CPED1: variants seen among roughly 807,000 people sequenced by gnomAD.
CPED1 encodes the protein cadherin-like and PC-esterase domain-containing protein 1.
Under a neutral mutation model 128.2 loss-of-function variants are expected in CPED1, and 114 were observed. The ratio of observed to expected loss-of-function variants is 0.89; its 90% CI spans 0.76 to 1.04. The LOEUF is 1.04. CPED1 is among the 50% of genes least tolerant of loss of function. The pLI, the probability that CPED1 is intolerant of heterozygous loss-of-function variation, is 0.00. For missense variants in CPED1, 1,211 were observed against 1,207.1 expected, an observed-to-expected ratio of 1.00 and a Z score of -0.05; for synonymous variants, 462 against 426.7, an observed-to-expected ratio of 1.08 and a Z score of -1.02.
At position 121,057,260 on chromosome 7, in the gene CPED1, G is replaced by C. The variant is rs569937730; in HGVS notation, c.541-6978G>C. Among the ~76,000 whole-genome samples, 11 of 152,258 alleles carry C rather than the reference G, an allele frequency of 7.2e-5. No homozygotes were observed. The South Asian group carries it at 2.3e-3, about 32-fold the overall frequency. On this transcript the variant is annotated intron_variant, in intron 4 of 22. Transcript: ENST00000310396. ...CCCAAAGTGCTGGGATTACAGGTGTGAACCACCGTGCCCAGCCTCTAATTT... is the reference window on the plus strand; with the variant it reads ...CCCAAAGTGCTGGGATTACAGGTGTCAACCACCGTGCCCAGCCTCTAATTT...
chr7:121,259,127 A>G (rs1190392504), intron 18 of CPED1, among the ~76,000 whole-genome samples: 4 of 152,058 alleles, frequency 2.6e-5, no homozygotes, highest in Non-Finnish European at 4.4e-5. Flanking sequence ...CTACTGTTGT[A>G]CATTGATGAA....
At chr7:121,143,428 A>AT (rs1488128648) in intron 16 of CPED1, among the ~76,000 whole-genome samples, 26 of 151,938 alleles carry the variant, frequency 1.7e-4, no homozygotes, top group Non-Finnish European at 3.2e-4. Context: ...AGCTATTGAT[A>AT]TTTTTGTGGG....
intron 18 of CPED1, among the ~76,000 whole-genome samples, chr7:121,262,245 G>C (rs1792036432): frequency 6.6e-6 from 1 of 152,038 alleles, no homozygotes; most frequent in Admixed American, 6.6e-5. Context: ...TGCCATGCTT[G>C]TATAGCCTGC....
At chr7:121,113,488 T>C (rs1017984749) in intron 7 of CPED1, among the ~76,000 whole-genome samples, 2 of 152,220 alleles carry the variant, frequency 1.3e-5, no homozygotes, top group African/African-American at 4.8e-5. Context: ...GTAGGGTTTC[T>C]TTAAAAATGA....
At chr7:121,017,884 T>C (rs1435973792) in intron 3 of CPED1, among the ~76,000 whole-genome samples, 2 of 152,148 alleles carry the variant, frequency 1.3e-5, no homozygotes, top group Non-Finnish European at 2.9e-5. Context: ...AAGATAACTA[T>C]ATAGTGTCCC....
intron 16 of CPED1, among the ~76,000 whole-genome samples, chr7:121,162,486 GATA>G (rs1796433049): frequency 6.6e-6 from 1 of 152,176 alleles, no homozygotes. Flanking sequence ...TACCATAAAT[GATA>G]AACTTAATGT....
rs901952146 is a variant in CPED1, at chr7:121,220,872, T to C, written c.2056-15842T>C. On this transcript the variant is annotated intron_variant, in intron 16 of 22. Coordinates refer to ENST00000310396, the MANE Select transcript of CPED1 (RefSeq NM_024913.5). ...AAGTATATATACTAACACTTTATTTTACTTAAATAAGATCATGGTATACAT... is the reference window on the plus strand; with the variant it reads ...AAGTATATATACTAACACTTTATTTCACTTAAATAAGATCATGGTATACAT... 2.5e-4 allele frequency among the ~76,000 whole-genome samples: 38 copies of C among 152,178 alleles called. 1 individual carries two copies. The highest frequency in any genetic ancestry group is 8.7e-4 in the African/African-American group (36 of 41,568).
At chr7:121,194,760 G>A (rs1797231968) in intron 16 of CPED1, among the ~76,000 whole-genome samples, 1 of 151,946 alleles carries the variant, frequency 6.6e-6, no homozygotes, top group South Asian at 2.1e-4. Context: ...TCTCTCATTA[G>A]TTGTTTGTTT....
At chr7:121,201,100 A>G (rs1797385112) in intron 16 of CPED1, among the ~76,000 whole-genome samples, 1 of 152,138 alleles carries the variant, frequency 6.6e-6, no homozygotes, top group Non-Finnish European at 1.5e-5. Flanking sequence ...CGGATCTGAG[A>G]TACAAGGTAG....
At chr7:121,192,122 A>G (rs185898437) in intron 16 of CPED1, among the ~76,000 whole-genome samples, 2 of 152,052 alleles carry the variant, frequency 1.3e-5, no homozygotes, top group East Asian at 3.9e-4. Context: ...ACTATTAACT[A>G]CCATGTCCAC....
chr7:120,992,560 G>GC (rs1457985396), intron 2 of CPED1, among the ~76,000 whole-genome samples: 1 of 152,080 alleles, frequency 6.6e-6, no homozygotes, highest in Non-Finnish European at 1.5e-5. Context: ...TAAACTAACT[G>GC]CCCCTCCAGG....
At position 121,152,248 on chromosome 7, in the gene CPED1, C is replaced by G. The variant is rs546217117; in HGVS notation, c.2055+10107C>G. 2.2e-4 allele frequency among the ~76,000 whole-genome samples: 34 copies of G among 152,136 alleles called. 1 individual carries two copies. Among genetic ancestry groups the G allele is most frequent in the Middle Eastern group, 6.8e-3 (2 of 294 alleles). ...TTTACCTCCTCCACATCCCCCAGCT[C>G]CCCACCCCTCCACATGCTTGAAGAT... On this transcript the variant is annotated intron_variant, in intron 16 of 22. Coordinates refer to ENST00000310396, the MANE Select transcript of CPED1 (RefSeq NM_024913.5).
At chr7:121,201,397 A>C (rs772950287) in intron 16 of CPED1, among the ~76,000 whole-genome samples, 2 of 151,848 alleles carry the variant, frequency 1.3e-5, no homozygotes, top group Admixed American at 6.6e-5. Context: ...ACGCCACTGC[A>C]CTCCAGCCTG....
At chr7:121,266,610 T>C in intron 19 of CPED1, 97 bp from the exon 20 acceptor site, 2 of 1,189,840 alleles carry the variant, frequency 1.7e-6, no homozygotes, top group Admixed American at 3.5e-5. Context: ...AGTCTTATGA[T>C]CAAGATGCCA....
chr7:121,225,489 G>A, intron 16 of CPED1, among the ~76,000 whole-genome samples: 1 of 152,014 alleles, frequency 6.6e-6, no homozygotes, highest in Non-Finnish European at 1.5e-5. Flanking sequence ...TATCTTTGTG[G>A]TGATCTCTGT....
At chr7:121,098,322 T>C (rs1417912651) in intron 6 of CPED1, among the ~76,000 whole-genome samples, 1 of 152,178 alleles carries the variant, frequency 6.6e-6, no homozygotes, top group African/African-American at 2.4e-5. Context: ...TTAATTATCT[T>C]ACCCAAGACA....
intron 16 of CPED1, among the ~76,000 whole-genome samples, chr7:121,220,033 C>T (rs1277284442): frequency 1.3e-5 from 2 of 151,990 alleles, no homozygotes; most frequent in Non-Finnish European, 2.9e-5. Flanking sequence ...GTTTCCTACT[C>T]CTCAGTAAAG....
chr7:121,285,847 A>G (rs1009077672), intron 22 of CPED1, among the ~76,000 whole-genome samples: 1 of 152,094 alleles, frequency 6.6e-6, no homozygotes, highest in African/African-American at 2.4e-5. Flanking sequence ...GAGCCCTCCA[A>G]ACTGTTCCAA....
At chr7:121,096,334 G>A (rs570042269) in intron 5 of CPED1, among the ~76,000 whole-genome samples, 8 of 152,216 alleles carry the variant, frequency 5.3e-5, no homozygotes, top group African/African-American at 1.9e-4. Context: ...GACTATGTTA[G>A]TATTGATGAA....
Sources: allele counts gnomAD v4.1 joint callset (sites outside exome capture counted in the v4.1 genomes callset), GRCh38; gene constraint gnomAD v4.1.1; transcripts MANE v1.5; gene names NCBI Gene and HGNC (gene_info 2026-07-23, HGNC 2026-07-21).